The following PCDHGB1 variants were observed in gnomAD, a reference collection of about 807,000 sequenced individuals.
PCDHGB1 encodes protocadherin gamma-B1.
PCDHGB1 carries 34 observed loss-of-function variants against 56.6 expected under a neutral mutation model. The observed-to-expected ratio is 0.60, with a 90% CI of 0.46 to 0.80. PCDHGB1 has a LOEUF of 0.80. Among genes scored for constraint, PCDHGB1 ranks in the 30% least tolerant of loss-of-function variants. PCDHGB1 has a pLI of 0.00. For missense variants in PCDHGB1, 1,278 were observed against 1,204.6 expected (o/e 1.06, Z -0.90); for synonymous variants, 561 against 505.9 (o/e 1.11, Z -1.46).
chr5:141,489,073 C>A lies in PCDHGB1; in HGVS notation c.2410-5734C>A, dbSNP rs2099681983. 3.2e-6 allele frequency: 1 copy of A among 315,630 alleles called. No individual in the cohort carries two copies. The highest frequency in any genetic ancestry group is 5.7e-6 in the Non-Finnish European group (1 of 173,976). 19.6% of individuals were successfully genotyped at this position (315,630 alleles called of 1,614,324 possible). A position where few individuals can be genotyped will look rare whatever the true frequency, so the allele number is the denominator to read the frequency against. ...ATTCAGCTCCCCTCCCCCCTGCCCA[C>A]CCCCGCCACTCGGTGACTAAGAACT... On this transcript the variant is annotated intron_variant, in intron 1 of 3. Coordinates refer to ENST00000523390, the MANE Select transcript of PCDHGB1 (RefSeq NM_018922.3). The surrounding 1 kb of genome is among the most constrained non-coding windows in gnomAD (Gnocchi z 4.5).
Position 141,399,470 on chromosome 5 carries a change from T to C in PCDHGB1, c.2409+46801T>C, listed in dbSNP as rs773359741. 70 of 1,614,018 alleles carry C rather than the reference T, an allele frequency of 4.3e-5. No individual in the cohort carries two copies. The Middle Eastern group carries it at 4.9e-4, about 11-fold the overall frequency. On this transcript the variant is annotated intron_variant, in intron 1 of 3. Coordinates refer to ENST00000523390, the MANE Select transcript of PCDHGB1 (RefSeq NM_018922.3). ...GACGTCAACGATAACGCTCCGGTTT[T>C]CCACCAGGCGTCCTACTTAGTCAGT... is the stretch of plus-strand genomic sequence containing the variant.
Position 141,486,107 on chromosome 5 carries a change from A to T in PCDHGB1, c.2410-8700A>T, listed in dbSNP as rs758269750. ...TCTTTTGGGGCCCCTAGACTTTGAG[A>T]GTGAGAATTACTATGAATTTGATGT... is the stretch of plus-strand genomic sequence containing the variant. On this transcript the variant is annotated intron_variant, in intron 1 of 3. Transcript: ENST00000523390. The surrounding 1 kb of genome is among the most constrained non-coding windows in gnomAD (Gnocchi z 5.0). The T allele has an allele frequency of 6.2e-7, 1 of 1,614,102 alleles. No individual in the cohort carries two copies. Among genetic ancestry groups the T allele is most frequent in the South Asian group, 1.1e-5 (1 of 91,080 alleles).
intron 1 of PCDHGB1, chr5:141,399,208 C>G: frequency 6.2e-7 from 1 of 1,613,958 alleles, no homozygotes; most frequent in Non-Finnish European, 8.5e-7. Context: ...GCCTGGAACA[C>G]TAATTGCTTT....
At chr5:141,393,189 A>G (rs1561640968) in intron 1 of PCDHGB1, 1 of 1,613,404 alleles carries the variant, frequency 6.2e-7, no homozygotes, top group Admixed American at 1.7e-5. Context: ...AATAATTGAT[A>G]TTAACGATAA....
At chr5:141,408,791 G>C (rs1260366830) in intron 1 of PCDHGB1, 1 of 1,612,540 alleles carries the variant, frequency 6.2e-7, no homozygotes, top group East Asian at 2.2e-5. Context: ...GTTATCTCTG[G>C]AGAAACTCCT....
At chr5:141,409,461 T>C in intron 1 of PCDHGB1, 1 of 1,613,928 alleles carries the variant, frequency 6.2e-7, no homozygotes, top group Non-Finnish European at 8.5e-7. Flanking sequence ...GAATACAATG[T>C]CACCATCGTA....
At chr5:141,496,817 T>C (rs2099771666) in intron 2 of PCDHGB1, among the ~76,000 whole-genome samples, 1 of 151,020 alleles carries the variant, frequency 6.6e-6, no homozygotes, top group Non-Finnish European at 1.5e-5. Flanking sequence ...AGTGAACAAG[T>C]AGATGTGATC....
chr5:141,474,961 AATC>A (rs2099357151), intron 1 of PCDHGB1, among the ~76,000 whole-genome samples: 1 of 152,254 alleles, frequency 6.6e-6, no homozygotes, highest in African/African-American at 2.4e-5. Flanking sequence ...TCACTATCCT[AATC>A]ATTATAATTT....
chr5:141,399,719 G>C (rs773556952), intron 1 of PCDHGB1: 1 of 1,613,286 alleles, frequency 6.2e-7, no homozygotes, highest in Non-Finnish European at 8.5e-7. Context: ...CTACAGGCCC[G>C]CGACCAGGGC....
intron 1 of PCDHGB1, among the ~76,000 whole-genome samples, chr5:141,446,149 G>T (rs2098490670): frequency 6.6e-6 from 1 of 152,178 alleles, no homozygotes; most frequent in Non-Finnish European, 1.5e-5. Context: ...GGAATAGGTG[G>T]AATATAAATT....
At chr5:141,405,231 C>T in intron 1 of PCDHGB1, 2 of 1,614,130 alleles carry the variant, frequency 1.2e-6, no homozygotes, top group Non-Finnish European at 1.7e-6. Flanking sequence ...TTCTCCCTCA[C>T]CGCTGACTCA....
rs754618010 is a variant in PCDHGB1 at position 141,370,745 on chromosome 5, T to G, written c.2409+18076T>G. 19 of 1,613,834 alleles carry G rather than the reference T, an allele frequency of 1.2e-5. 1 individual carries two copies. In the South Asian group the frequency reaches 2.1e-4, roughly 18 times the overall value. ...TTGCTGAAAAGCCTTTAAACTTTTT[T>G]CATGTAACTGTGCTGATCCAGGATA... On this transcript the variant is annotated intron_variant, in intron 1 of 3. Coordinates refer to ENST00000523390, the MANE Select transcript of PCDHGB1 (RefSeq NM_018922.3).
chr5:141,456,578 C>G (rs959608396), intron 1 of PCDHGB1, among the ~76,000 whole-genome samples: 10 of 152,182 alleles, frequency 6.6e-5, no homozygotes, highest in African/African-American at 1.7e-4. Flanking sequence ...TTTCCCTGAG[C>G]CTGTCAATAA....
At chr5:141,455,389 G>C (rs1190144149) in intron 1 of PCDHGB1, among the ~76,000 whole-genome samples, 1 of 152,114 alleles carries the variant, frequency 6.6e-6, no homozygotes, top group Non-Finnish European at 1.5e-5. Flanking sequence ...GAAGGAAGGA[G>C]CTCCCCCTTA....
chr5:141,378,684 A>AT (rs1775094609), intron 1 of PCDHGB1: 1 of 152,256 alleles, frequency 6.6e-6, no homozygotes, highest in East Asian at 1.9e-4. Flanking sequence ...ATATTTTAGC[A>AT]TTTTAACCCA....
rs1305419943 is a variant in PCDHGB1, at chr5:141,438,625, T to C, written c.2410-56182T>C. Among the ~76,000 whole-genome samples the C allele has an allele frequency of 9.7e-4, 45 of 46,410 alleles. 2 individuals are homozygous for C. Among genetic ancestry groups the C allele is most frequent in the Admixed American group, 2.2e-3 (7 of 3,192 alleles). The allele number at this position is 46,410 out of a possible 152,430, so 30.4% of individuals were successfully genotyped here. On this transcript the variant is annotated intron_variant, in intron 1 of 3. Coordinates refer to ENST00000523390, the MANE Select transcript of PCDHGB1 (RefSeq NM_018922.3). The stretch of plus-strand genomic sequence containing the variant: ...ATATATATATATATATATATATATA[T>C]ATATATATATACACACACACACACA...
chr5:141,486,163 G>A lies in PCDHGB1; in HGVS notation c.2410-8644G>A. 2.5e-6 allele frequency: 4 copies of A among 1,614,212 alleles called. No individual in the cohort carries two copies. Among genetic ancestry groups the A allele is most frequent in the Non-Finnish European group, 3.4e-6 (4 of 1,180,034 alleles). The stretch of plus-strand genomic sequence containing the variant: ...CTCGCGATGGGGGTTCTCCAGCCAT[G>A]GAGCAACATTGCAGCCTTCGAGTGG... On this transcript the variant is annotated intron_variant, in intron 1 of 3. Transcript: ENST00000523390. This position sits in a 1 kb window ranked among gnomAD's most constrained non-coding sequence, Gnocchi z 5.0.
In PCDHGB1 at chr5:141,489,493, G is replaced by C. The variant is rs1485293604; in HGVS notation, c.2410-5314G>C. 3 of 1,614,078 alleles carry C rather than the reference G, an allele frequency of 1.9e-6. No homozygotes were observed. The South Asian group carries it at 3.3e-5, about 18-fold the overall frequency. On this transcript the variant is annotated intron_variant, in intron 1 of 3. Coordinates refer to ENST00000523390, the MANE Select transcript of PCDHGB1 (RefSeq NM_018922.3). This position sits in a 1 kb window ranked among gnomAD's most constrained non-coding sequence, Gnocchi z 4.5. Reference sequence around the variant, plus strand: ...CCTGAGCTTGATGAGTGGTGCCCTGGCAGTGAATCAAAAGATTGACCGAGA... The same window carrying C: ...CCTGAGCTTGATGAGTGGTGCCCTGCCAGTGAATCAAAAGATTGACCGAGA...
chr5:141,364,841 C>A, intron 1 of PCDHGB1: 1 of 1,613,988 alleles, frequency 6.2e-7, no homozygotes, highest in Non-Finnish European at 8.5e-7. Flanking sequence ...CCGGAGTTAC[C>A]AGCTCAGCTC....
Sources: allele counts gnomAD v4.1 joint callset (sites outside exome capture counted in the v4.1 genomes callset), GRCh38; gene constraint gnomAD v4.1.1; non-coding constraint Gnocchi (gnomAD v3.1); transcripts MANE v1.5; gene names NCBI Gene and HGNC (gene_info 2026-07-23, HGNC 2026-07-21).